ATP13A4: variants seen among roughly 807,000 people sequenced by gnomAD.
The protein encoded by ATP13A4 is probable cation-transporting ATPase 13A4.
Under a neutral mutation model 142.5 loss-of-function variants are expected in ATP13A4, and 114 were observed. The observed-to-expected ratio is 0.80, with a 90% CI of 0.69 to 0.93. The LOEUF is 0.93. Among genes scored for constraint, ATP13A4 ranks in the 40% least tolerant of loss-of-function variants. ATP13A4 has a pLI of 0.00. For missense variants in ATP13A4, 1,392 were observed against 1,454.0 expected, an observed-to-expected ratio of 0.96 and a Z score of 0.69; for synonymous variants, 488 against 514.8, an observed-to-expected ratio of 0.95 and a Z score of 0.70.
rs1301098270 is a variant in ATP13A4 at position 193,399,513 on chromosome 3, C to T, written c.*3139G>A. 1.3e-5 allele frequency among the ~76,000 whole-genome samples: 2 copies of T among 152,052 alleles called. No homozygotes were observed. Among genetic ancestry groups the T allele is most frequent in the African/African-American group, 4.8e-5 (2 of 41,410 alleles). On this transcript the variant is annotated 3_prime_UTR_variant, in exon 30 of 30. Transcript: ENST00000342695. ...AGGCTGGGAGCCCTCCCTCCAGAGCCCATCCTCCCATGAGTGTCTGTCTGG... is the reference window on the plus strand; with the variant it reads ...AGGCTGGGAGCCCTCCCTCCAGAGCTCATCCTCCCATGAGTGTCTGTCTGG...
intron 1 of ATP13A4, among the ~76,000 whole-genome samples, chr3:193,591,741 G>A (rs1724796057): frequency 6.6e-6 from 1 of 152,172 alleles, no homozygotes; most frequent in Non-Finnish European, 1.5e-5. Context: ...AATGGTGATG[G>A]TGGTTAGTTT....
intron 26 of ATP13A4, among the ~76,000 whole-genome samples, chr3:193,413,649 G>A (rs1275685730): frequency 1.3e-5 from 2 of 152,160 alleles, no homozygotes; most frequent in African/African-American, 2.4e-5. Context: ...GTCTTATGTG[G>A]TTGAGATAAG....
upstream of ATP13A4, among the ~76,000 whole-genome samples, chr3:193,557,002 C>T (rs945547656): frequency 6.6e-6 from 1 of 152,098 alleles, no homozygotes; most frequent in African/African-American, 2.4e-5. Flanking sequence ...TTATCACTGG[C>T]AATATTTGCA....
intron 1 of ATP13A4, among the ~76,000 whole-genome samples, chr3:193,547,577 C>T (rs1723295573): frequency 6.6e-6 from 1 of 152,206 alleles, no homozygotes; most frequent in Non-Finnish European, 1.5e-5. Context: ...TGTCATCTTT[C>T]CCCTTGAAGT....
intron 8 of ATP13A4, among the ~76,000 whole-genome samples, chr3:193,479,534 A>G (rs1294476216): frequency 6.6e-6 from 1 of 152,170 alleles, no homozygotes; most frequent in Non-Finnish European, 1.5e-5. Flanking sequence ...GCAAAATACA[A>G]TAAAATACTT....
intron 25 of ATP13A4, among the ~76,000 whole-genome samples, chr3:193,428,482 A>T (rs1715794913): frequency 6.6e-6 from 1 of 152,174 alleles, no homozygotes; most frequent in South Asian, 2.1e-4. Context: ...CTACAAAGAC[A>T]CATGCACATG....
intron 12 of ATP13A4, 121 bp downstream of exon 12, chr3:193,464,819 G>T: frequency 9.4e-7 from 1 of 1,065,332 alleles, no homozygotes; most frequent in Non-Finnish European, 1.4e-6. Context: ...TCTAACCAGG[G>T]ATAAAATGAA....
chr3:193,436,075 C>A (rs891092223), intron 23 of ATP13A4, among the ~76,000 whole-genome samples: 9 of 152,200 alleles, frequency 5.9e-5, no homozygotes, highest in African/African-American at 2.2e-4. Flanking sequence ...TCTACCTATT[C>A]ACTAATGAGA....
chr3:193,543,353 A>G (rs1560272159), intron 1 of ATP13A4, among the ~76,000 whole-genome samples: 1 of 152,210 alleles, frequency 6.6e-6, no homozygotes, highest in Non-Finnish European at 1.5e-5. Flanking sequence ...CAGACAATTT[A>G]CAGACTGAAT....
At chr3:193,447,347 C>T (rs571853088) in intron 18 of ATP13A4, among the ~76,000 whole-genome samples, 3 of 151,988 alleles carry the variant, frequency 2.0e-5, no homozygotes, top group African/African-American at 7.3e-5. Flanking sequence ...GGGAGTAGAA[C>T]AGGGGACAGA....
intron 17 of ATP13A4, 45 bp from the exon 18 acceptor site, chr3:193,448,375 T>C: frequency 6.2e-7 from 1 of 1,608,038 alleles, no homozygotes; most frequent in South Asian, 1.1e-5. Context: ...TAACACATAT[T>C]ACAGCTTTTT....
intron 25 of ATP13A4, among the ~76,000 whole-genome samples, chr3:193,416,078 ACTC>A (rs568165289): frequency 6.9e-4 from 105 of 152,186 alleles, no homozygotes; most frequent in Non-Finnish European, 7.1e-4. Flanking sequence ...TTGTTTTTTC[ACTC>A]CTAGAGGTCA....
chr3:193,577,025 C>A (rs1246742275), intron 2 of ATP13A4, among the ~76,000 whole-genome samples: 1 of 152,216 alleles, frequency 6.6e-6, no homozygotes, highest in African/African-American at 2.4e-5. Context: ...AAGCTCAGAA[C>A]CTCAGGGTCA....
At chr3:193,543,436 A>G (rs1328668993) in intron 1 of ATP13A4, among the ~76,000 whole-genome samples, 2 of 152,192 alleles carry the variant, frequency 1.3e-5, no homozygotes. Context: ...TTTATAAGAA[A>G]CAAACAACCC....
rs376453247 is a variant in ATP13A4, at chr3:193,417,918, C to T, written c.2843-3168G>A. ...CGGGCGGATCACAAGGTCAGGAGATCGAGACCATCCCGGCTAAAACGGTGA... is the reference window on the plus strand; with the variant it reads ...CGGGCGGATCACAAGGTCAGGAGATTGAGACCATCCCGGCTAAAACGGTGA... On this transcript the variant is annotated intron_variant, in intron 25 of 29. Coordinates refer to ENST00000342695, the MANE Select transcript of ATP13A4 (RefSeq NM_032279.4). 7.9e-4 allele frequency among the ~76,000 whole-genome samples: 116 copies of T among 146,502 alleles called. 4 individuals are homozygous for T. The highest frequency in any genetic ancestry group is 3.4e-3 in the Middle Eastern group (1 of 290).
chr3:193,433,909 G>A lies in ATP13A4; in HGVS notation c.2778C>T (p.Asn926=). The stretch of plus-strand genomic sequence containing the variant: ...ACAGAAACTGGTAATTTGAAAGGCT[G>A]TTTGTCTCCTGAAAATAAAAAGAAA... The part of the protein sequence containing the change: ...VGVLLLYWET[N]SLSNYQFLFQ... The change falls in exon 25 of 30, where the codon AAC becomes AAT. Residue 926 remains asparagine (N), a synonymous_variant. Coordinates refer to ENST00000342695, the MANE Select transcript of ATP13A4 (RefSeq NM_032279.4). 6.2e-7 allele frequency: 1 copy of A among 1,613,370 alleles called. No individual in the cohort carries two copies.
At chr3:193,580,250 C>A (rs1724509913) in intron 2 of ATP13A4, among the ~76,000 whole-genome samples, 1 of 152,178 alleles carries the variant, frequency 6.6e-6, no homozygotes, top group Middle Eastern at 3.2e-3. Flanking sequence ...AATGCAAGCA[C>A]CACTGCTGTT....
In ATP13A4 at chr3:193,462,753, G is replaced by A; in HGVS notation, c.1523+9C>T. 1 of 1,611,930 alleles carries A rather than the reference G, an allele frequency of 6.2e-7. No individual in the cohort carries two copies. The highest frequency in any genetic ancestry group is 1.1e-5 in the South Asian group (1 of 91,012). Reference sequence around the variant, plus strand: ...GAATGCATTTAGTCCAAGAGTCCAAGGTACTCACCCATTCCTATCACAGGA... The same window carrying A: ...GAATGCATTTAGTCCAAGAGTCCAAAGTACTCACCCATTCCTATCACAGGA... On this transcript the variant is annotated intron_variant, in intron 13 of 29. Coordinates refer to ENST00000342695, the MANE Select transcript of ATP13A4 (RefSeq NM_032279.4).
intron 1 of ATP13A4, among the ~76,000 whole-genome samples, chr3:193,549,315 T>A (rs555976063): frequency 9.4e-5 from 14 of 149,686 alleles, no homozygotes; most frequent in South Asian, 8.5e-4. Context: ...AAAAAAAAAA[T>A]TAGAAATAAT....
Sources: allele counts gnomAD v4.1 joint callset (sites outside exome capture counted in the v4.1 genomes callset), GRCh38; gene constraint gnomAD v4.1.1; transcripts MANE v1.5; gene names NCBI Gene and HGNC (gene_info 2026-07-23, HGNC 2026-07-21).